The following ANKRD18A variants were observed in gnomAD, a reference collection of about 807,000 sequenced individuals.
The protein encoded by ANKRD18A is ankyrin repeat domain 18A.
In ANKRD18A, 72 loss-of-function variants were observed where a neutral mutation model predicts 110.6. That is an observed-to-expected ratio of 0.65 (90% confidence interval 0.54 to 0.79). The LOEUF is 0.79. Ranked by LOEUF, ANKRD18A falls within the 30% of genes least tolerant of loss-of-function variation. The pLI is 0.00. For missense variants in ANKRD18A, 934 were observed against 1,163.3 expected, an observed-to-expected ratio of 0.80 and a Z score of 2.87; for synonymous variants, 305 against 410.3, an observed-to-expected ratio of 0.74 and a Z score of 3.10.
chr9:38,614,224 T>G (rs1283027884), intron 3 of ANKRD18A, among the ~76,000 whole-genome samples: 1 of 143,098 alleles, frequency 7.0e-6, no homozygotes, highest in Admixed American at 6.9e-5. Flanking sequence ...CTGAGGTTTT[T>G]TTTTTTTTTT....
At position 38,571,959 on chromosome 9, in the gene ANKRD18A, T is replaced by G; in HGVS notation, c.*86A>C. On this transcript the variant is annotated 3_prime_UTR_variant, in exon 16 of 16. Coordinates refer to ENST00000399703, the MANE Select transcript of ANKRD18A (RefSeq NM_147195.4). ...TTTATGATCTTTTAAATCATACAACTTTTCCTTAAGATTTTATGGTTAATC... is the reference window on the plus strand; with the variant it reads ...TTTATGATCTTTTAAATCATACAACGTTTCCTTAAGATTTTATGGTTAATC... The G allele has an allele frequency of 6.5e-7, 1 of 1,531,242 alleles. No homozygotes were observed. Among genetic ancestry groups the G allele is most frequent in the Middle Eastern group, 1.7e-4 (1 of 5,732 alleles). 94.9% of individuals were successfully genotyped at this position (1,531,242 alleles called of 1,614,324 possible).
chr9:38,594,873 G>A (rs1215723416), intron 9 of ANKRD18A, among the ~76,000 whole-genome samples: 1 of 152,114 alleles, frequency 6.6e-6, no homozygotes, highest in African/African-American at 2.4e-5. Flanking sequence ...GCTTCATTAT[G>A]CTCTTAAAAT....
chr9:38,576,865 GAGAC>G (rs992722865), intron 14 of ANKRD18A, among the ~76,000 whole-genome samples, 184 bp downstream of exon 14: 1 of 152,162 alleles, frequency 6.6e-6, no homozygotes, highest in Non-Finnish European at 1.5e-5. Context: ...AAAGAGAAGA[GAGAC>G]AGAAACTATC....
intron 12 of ANKRD18A, among the ~76,000 whole-genome samples, chr9:38,583,182 T>C (rs1266108977): frequency 6.6e-6 from 1 of 151,950 alleles, no homozygotes; most frequent in Non-Finnish European, 1.5e-5. Flanking sequence ...TTAGGAAAAA[T>C]GTAAAGAAAT....
At chr9:38,606,700 C>G (rs1191566318) in intron 6 of ANKRD18A, among the ~76,000 whole-genome samples, 1 of 152,104 alleles carries the variant, frequency 6.6e-6, no homozygotes, top group African/African-American at 2.4e-5. Flanking sequence ...CCACAATATT[C>G]AAGAATCAAT....
chr9:38,586,996 T>A (rs1490864649), intron 11 of ANKRD18A, among the ~76,000 whole-genome samples: 1 of 151,864 alleles, frequency 6.6e-6, no homozygotes, highest in Non-Finnish European at 1.5e-5. Context: ...AACACATATA[T>A]GTTTGAAAAA....
chr9:38,612,806 T>C (rs1413508213), intron 3 of ANKRD18A, among the ~76,000 whole-genome samples: 8 of 152,098 alleles, frequency 5.3e-5, no homozygotes, highest in African/African-American at 9.6e-5. Flanking sequence ...TGTGAGCCAT[T>C]GCACCCGGCC....
At chr9:38,612,521 C>CTTTTTTTTTTTTTTTTT (rs767816627) in intron 3 of ANKRD18A, among the ~76,000 whole-genome samples, 1 of 124,312 alleles carries the variant, frequency 8.0e-6, no homozygotes, top group Non-Finnish European at 1.6e-5. Flanking sequence ...TTTTCTTTTT[C>CTTTTTTTTTTTTTTTTT]TTTTTTTTTT....
downstream of ANKRD18A, chr9:38,568,650 G>A: frequency 4.6e-6 from 4 of 870,570 alleles, no homozygotes; most frequent in Non-Finnish European, 5.5e-6. Context: ...GTTGCTCTTT[G>A]AGCCAGCTTG....
At chr9:38,595,280 C>T (rs1824823218) in intron 9 of ANKRD18A, among the ~76,000 whole-genome samples, 1 of 152,042 alleles carries the variant, frequency 6.6e-6, no homozygotes, top group African/African-American at 2.4e-5. Context: ...AGTCACGACC[C>T]GCTTCCAGCC....
chr9:38,570,413 G>T (rs1823596018), downstream of ANKRD18A, among the ~76,000 whole-genome samples: 1 of 151,800 alleles, frequency 6.6e-6, no homozygotes, highest in Non-Finnish European at 1.5e-5. Flanking sequence ...CTAATACACT[G>T]AATACACCCC....
At chr9:38,595,388 T>C in intron 9 of ANKRD18A, 98 bp downstream of exon 9, 5 of 1,121,350 alleles carry the variant, frequency 4.5e-6, no homozygotes, top group Non-Finnish European at 6.1e-6. Context: ...AAACACATTT[T>C]CATCTATTTA....
At chr9:38,568,671 G>T (rs778548474), downstream of ANKRD18A, 1,151 of 936,670 alleles carry the variant, frequency 1.2e-3, 7 homozygotes, top group Middle Eastern at 0.022. Context: ...GCCTTGCCTG[G>T]CATGCACAGG....
At chr9:38,568,379 A>G (rs1174852650), downstream of ANKRD18A, 4 of 151,874 alleles carry the variant, frequency 2.6e-5, no homozygotes, top group East Asian at 4.0e-4. Context: ...TGGCTCAAAG[A>G]GCAACCAGCC....
intron 13 of ANKRD18A, 77 bp from the exon 14 acceptor site, chr9:38,577,341 A>G: frequency 7.0e-7 from 1 of 1,426,630 alleles, no homozygotes; most frequent in Non-Finnish European, 9.3e-7. Flanking sequence ...TTCATTTTGA[A>G]TCAGTGATTC....
At chr9:38,571,136 C>T (rs1823625854), downstream of ANKRD18A, 10 of 1,533,976 alleles carry the variant, frequency 6.5e-6, no homozygotes, top group African/African-American at 1.4e-5. Context: ...GTGGATGCGA[C>T]AGTGGTTCTT....
At chr9:38,619,988 C>A (rs1587555072) in intron 1 of ANKRD18A, 92 bp downstream of exon 1, 57 of 1,450,784 alleles carry the variant, frequency 3.9e-5, no homozygotes, top group Non-Finnish European at 4.8e-5. Flanking sequence ...GGGTGCCCGG[C>A]GCCCTCCAAG....
intron 15 of ANKRD18A, among the ~76,000 whole-genome samples, chr9:38,574,679 A>T (rs930298694): frequency 6.6e-6 from 1 of 152,228 alleles, no homozygotes; most frequent in Non-Finnish European, 1.5e-5. Context: ...TATTTAATTC[A>T]TAAAATGCAC....
chr9:38,585,137 G>C (rs10973927), intron 12 of ANKRD18A, among the ~76,000 whole-genome samples: 6,331 of 152,114 alleles, frequency 0.042, 455 homozygotes, highest in African/African-American at 0.14. Context: ...CCCAGATCTA[G>C]GGAAGATTAA....
Sources: gnomAD v4.1 joint callset for allele counts (sites outside exome capture counted in the v4.1 genomes callset) on GRCh38, gnomAD v4.1.1 for gene constraint, MANE v1.5 for transcripts, NCBI Gene and HGNC (gene_info 2026-07-23, HGNC 2026-07-21) for gene names.